The following CD302 variants were observed in gnomAD, a reference collection of about 807,000 sequenced individuals.
CD302 encodes the protein CD302 molecule.
Under a neutral mutation model 26.5 loss-of-function variants are expected in CD302, and 23 were observed. The observed-to-expected ratio is 0.87, with a 90% CI of 0.62 to 1.23. The LOEUF is 1.23. Ranked by LOEUF, CD302 falls within the 50% of genes most tolerant of loss-of-function variation. The probability of loss-of-function intolerance (pLI) is 0.00; values close to 1 mark genes in which losing one functional copy is unlikely to be tolerated. For synonymous variants in CD302, 90 were observed against 99.4 expected (o/e 0.91, Z 0.56); for missense variants, 290 against 275.5 (o/e 1.05, Z -0.37).
chr2:159,779,889 C>T (rs1335065264), intron 4 of CD302, 116 bp downstream of exon 4: 1 of 1,230,128 alleles, frequency 8.1e-7, no homozygotes, highest in Non-Finnish European at 1.1e-6. Context: ...AGGCGTGAGC[C>T]ACTGTGCCTA....
At chr2:159,797,224 G>GT (rs567198178) in intron 1 of CD302, among the ~76,000 whole-genome samples, 1 of 133,022 alleles carries the variant, frequency 7.5e-6, no homozygotes, top group Non-Finnish European at 1.6e-5. Flanking sequence ...GCAAGGGGTG[G>GT]GGGGGGGGAA....
intron 4 of CD302, 44 bp from the exon 5 acceptor site, chr2:159,778,008 T>C (rs1708390159): frequency 2.5e-6 from 2 of 788,146 alleles, no homozygotes; most frequent in Non-Finnish European, 3.7e-6. Context: ...AATTATGCTT[T>C]ATTATAGGAT....
Position 159,771,200 on chromosome 2 carries a change from G to GTT in CD302, c.*649_*650dup, listed in dbSNP as rs1708136578. The GTT allele has an allele frequency of 6.6e-6, 1 of 152,298 alleles. No homozygotes were observed. The highest frequency in any genetic ancestry group is 1.5e-5 in the Non-Finnish European group (1 of 68,144). 9.4% of individuals were successfully genotyped at this position (152,298 alleles called of 1,614,324 possible). A position where few individuals can be genotyped will look rare whatever the true frequency, so the allele number is the denominator to read the frequency against. On this transcript the variant is annotated 3_prime_UTR_variant, in exon 6 of 6. Coordinates refer to ENST00000259053, the MANE Select transcript of CD302 (RefSeq NM_014880.5). ...TAAAGGGGCACTATAATATGTAAGTGTTAACCTAATTGCCAGCTTTCTCTA... is the reference window on the plus strand; with the variant it reads ...TAAAGGGGCACTATAATATGTAAGTGTTTTAACCTAATTGCCAGCTTTCTCTA...
At chr2:159,779,965 G>A in intron 4 of CD302, 40 bp downstream of exon 4, 1 of 1,580,808 alleles carries the variant, frequency 6.3e-7, no homozygotes, top group Non-Finnish European at 8.6e-7. Context: ...TACTTTCTCT[G>A]CCCCTTCTAG....
chr2:159,776,548 T>G (rs955209752), intron 5 of CD302, among the ~76,000 whole-genome samples: 6 of 152,204 alleles, frequency 3.9e-5, no homozygotes, highest in Non-Finnish European at 7.3e-5. Context: ...ATATCCACAC[T>G]AATGCTTGTT....
intron 1 of CD302, among the ~76,000 whole-genome samples, chr2:159,784,670 C>T (rs1311894044): frequency 2.6e-5 from 4 of 152,064 alleles, no homozygotes; most frequent in Non-Finnish European, 5.9e-5. Context: ...TTCTGCATTA[C>T]CTTTTTAATA....
chr2:159,782,769 T>A (rs1159627643), intron 2 of CD302, among the ~76,000 whole-genome samples: 1 of 152,150 alleles, frequency 6.6e-6, no homozygotes, highest in Non-Finnish European at 1.5e-5. Flanking sequence ...AATGTGATGT[T>A]ATAAATCTAT....
chr2:159,781,081 T>G, intron 2 of CD302, 83 bp from the exon 3 acceptor site: 1 of 1,086,154 alleles, frequency 9.2e-7, no homozygotes, highest in Admixed American at 2.6e-5. Flanking sequence ...AATAAATAGT[T>G]GCTTAACTTT....
At chr2:159,783,157 T>A (rs1708567967) in intron 2 of CD302, among the ~76,000 whole-genome samples, 1 of 152,246 alleles carries the variant, frequency 6.6e-6, no homozygotes, top group Admixed American at 6.5e-5. Context: ...GACAATATTG[T>A]CCAACAACTG....
chr2:159,773,184 T>C (rs1347093464), intron 5 of CD302, among the ~76,000 whole-genome samples: 4 of 152,126 alleles, frequency 2.6e-5, no homozygotes, highest in African/African-American at 9.7e-5. Flanking sequence ...TCCAGCTAAT[T>C]TTTGTATTTT....
intron 2 of CD302, among the ~76,000 whole-genome samples, 153 bp from the exon 3 acceptor site, chr2:159,781,151 G>T (rs1574492679): frequency 6.6e-6 from 1 of 152,258 alleles, no homozygotes; most frequent in African/African-American, 2.4e-5. Flanking sequence ...AGCTAATAAG[G>T]TTACAGGGAC....
At chr2:159,780,284 A>T (rs1307022485) in intron 3 of CD302, 106 bp from the exon 4 acceptor site, 8 of 1,211,904 alleles carry the variant, frequency 6.6e-6, no homozygotes, top group Non-Finnish European at 9.1e-6. Context: ...TGTCTGGTCT[A>T]AACTTCTGAT....
intron 1 of CD302, among the ~76,000 whole-genome samples, chr2:159,793,016 C>T (rs540959798): frequency 1.1e-4 from 16 of 152,324 alleles, no homozygotes; most frequent in South Asian, 4.1e-4. Flanking sequence ...AGATTGTTGA[C>T]GTTCATGCAC....
chr2:159,780,268 A>G, intron 3 of CD302, 90 bp from the exon 4 acceptor site: 2 of 1,409,080 alleles, frequency 1.4e-6, no homozygotes, highest in Non-Finnish European at 1.9e-6. Context: ...GAAAGTTACT[A>G]AGGTATGTCT....
chr2:159,789,741 A>C (rs1335676046), intron 1 of CD302, among the ~76,000 whole-genome samples: 1 of 152,196 alleles, frequency 6.6e-6, no homozygotes, highest in Non-Finnish European at 1.5e-5. Flanking sequence ...TTGCCAGTTG[A>C]AAGCCTGGAT....
At chr2:159,773,299 C>T (rs569687439) in intron 5 of CD302, among the ~76,000 whole-genome samples, 2 of 152,300 alleles carry the variant, frequency 1.3e-5, no homozygotes, top group East Asian at 3.9e-4. Flanking sequence ...CAGGTGTGGG[C>T]CACCGTGCCC....
intron 5 of CD302, among the ~76,000 whole-genome samples, chr2:159,775,574 A>G (rs78701324): frequency 0.03 from 4,593 of 152,302 alleles, 112 homozygotes; most frequent in East Asian, 0.14. Flanking sequence ...TGCTTCAGCT[A>G]TTTATCTGTC....
intron 4 of CD302, 99 bp from the exon 5 acceptor site, chr2:159,778,063 TA>T: frequency 2.3e-6 from 1 of 433,510 alleles, no homozygotes; most frequent in Non-Finnish European, 3.7e-6. Context: ...ACCCTTTTAT[TA>T]GTAGCTTAAT....
chr2:159,789,946 A>G (rs1007738281), intron 1 of CD302, among the ~76,000 whole-genome samples: 2 of 151,464 alleles, frequency 1.3e-5, no homozygotes, highest in Non-Finnish European at 2.9e-5. Context: ...ATGCCAGCAA[A>G]TACGATTCTT....
Sources: gnomAD v4.1 joint callset for allele counts (sites outside exome capture counted in the v4.1 genomes callset) on GRCh38, gnomAD v4.1.1 for gene constraint, MANE v1.5 for transcripts, NCBI Gene and HGNC (gene_info 2026-07-23, HGNC 2026-07-21) for gene names.